Variants in CPEB1 observed in about 807,000 individuals in gnomAD.
CPEB1 encodes cytoplasmic polyadenylation element binding protein 1.
In CPEB1, 7 loss-of-function variants were observed where a neutral mutation model predicts 65.8. The observed-to-expected ratio is 0.11, with a 90% CI of 0.06 to 0.20. CPEB1 has a LOEUF of 0.20. CPEB1 is among the 10% of genes least tolerant of loss of function. CPEB1 has a pLI of 1.00. For missense variants in CPEB1, 551 were observed against 712.2 expected (o/e 0.77, Z 2.58); for synonymous variants, 262 against 260.0 (o/e 1.01, Z -0.08).
At chr15:82,636,097 G>A (rs2046636784) in intron 1 of CPEB1, among the ~76,000 whole-genome samples, 2 of 152,254 alleles carry the variant, frequency 1.3e-5, no homozygotes, top group South Asian at 4.1e-4. Context: ...TTGTCAGTAT[G>A]TTCAAGACTC....
intron 3 of CPEB1, among the ~76,000 whole-genome samples, chr15:82,584,108 A>T (rs1256600003): frequency 6.6e-6 from 1 of 151,848 alleles, no homozygotes; most frequent in African/African-American, 2.4e-5. Context: ...AAATACAAAA[A>T]ATTAGCCAGG....
In CPEB1 at chr15:82,553,570, G is replaced by T. The variant is rs770547576; in HGVS notation, c.1055-14C>A. ...TAACTAATCCAGCTGCAAAGAGACA[G>T]AAAAGAATGGCAGAAGCTGAGGAAC... On this transcript the variant is annotated splice_polypyrimidine_tract_variant and intron_variant, in intron 7 of 12. Coordinates refer to ENST00000684509, the MANE Select transcript of CPEB1 (RefSeq NM_001365242.1). 12 of 1,579,620 alleles carry T rather than the reference G, an allele frequency of 7.6e-6. No homozygotes were observed. Among genetic ancestry groups the T allele is most frequent in the Admixed American group, 1.7e-5 (1 of 59,404 alleles).
intron 1 of CPEB1, among the ~76,000 whole-genome samples, chr15:82,646,589 G>A (rs2047555302): frequency 6.6e-6 from 1 of 152,202 alleles, no homozygotes; most frequent in Non-Finnish European, 1.5e-5. Context: ...GCTGCAGGGA[G>A]CAAAGTGCCC....
At chr15:82,590,232 A>C (rs965625171) in intron 3 of CPEB1, among the ~76,000 whole-genome samples, 2 of 149,262 alleles carry the variant, frequency 1.3e-5, no homozygotes, top group African/African-American at 2.4e-5. Flanking sequence ...AAAAAAAAAA[A>C]AAAAAAAACA....
intron 3 of CPEB1, 49 bp from the exon 4 acceptor site, chr15:82,571,581 T>TC: frequency 1.3e-6 from 2 of 1,568,634 alleles, no homozygotes; most frequent in Non-Finnish European, 1.7e-6. Flanking sequence ...AGGGCTGTTT[T>TC]CCCCAATATT....
At chr15:82,547,756 T>A (rs564919863) in intron 10 of CPEB1, among the ~76,000 whole-genome samples, 1 of 150,718 alleles carries the variant, frequency 6.6e-6, no homozygotes, top group African/African-American at 2.4e-5. Flanking sequence ...CACTGCAACC[T>A]CTGCATCCCA....
intron 10 of CPEB1, 104 bp downstream of exon 10, chr15:82,549,356 G>T: frequency 8.7e-7 from 1 of 1,146,246 alleles, no homozygotes; most frequent in Non-Finnish European, 1.3e-6. Context: ...CTGATCTGCA[G>T]ACCTGGGTCA....
intron 4 of CPEB1, 138 bp downstream of exon 4, chr15:82,571,206 T>C: frequency 3.4e-6 from 4 of 1,172,378 alleles, no homozygotes; most frequent in Non-Finnish European, 4.6e-6. Flanking sequence ...TTCCATCTCT[T>C]GCAAAACAGC....
intron 1 of CPEB1, among the ~76,000 whole-genome samples, chr15:82,642,665 C>T (rs945803167): frequency 3.9e-5 from 6 of 152,302 alleles, no homozygotes; most frequent in African/African-American, 1.2e-4. Flanking sequence ...CCCCCTCTAC[C>T]ATAACTTCTA....
chr15:82,571,633 C>A, intron 3 of CPEB1, 101 bp from the exon 4 acceptor site: 2 of 1,475,532 alleles, frequency 1.4e-6, no homozygotes, highest in African/African-American at 2.8e-5. Context: ...CCCAGGCTCA[C>A]AGGCCAGACA....
At chr15:82,600,565 C>T (rs2043017076) in intron 3 of CPEB1, among the ~76,000 whole-genome samples, 4 of 152,050 alleles carry the variant, frequency 2.6e-5, no homozygotes, top group African/African-American at 9.7e-5. Context: ...ATAGCAGCAA[C>T]AGCACAAAAG....
At chr15:82,578,768 C>G (rs375078317) in intron 3 of CPEB1, among the ~76,000 whole-genome samples, 2 of 151,958 alleles carry the variant, frequency 1.3e-5, no homozygotes, top group Non-Finnish European at 2.9e-5. Context: ...AAAAAACAAA[C>G]AAACAAAAAA....
upstream of CPEB1, chr15:82,647,751 G>C: frequency 9.6e-7 from 1 of 1,043,562 alleles, no homozygotes; most frequent in Non-Finnish European, 1.2e-6. Flanking sequence ...GCCCGCACGG[G>C]GCGGGGGATG....
chr15:82,571,807 A>T, intron 3 of CPEB1: 1 of 1,245,762 alleles, frequency 8.0e-7, no homozygotes, highest in Non-Finnish European at 1.0e-6. Context: ...TCCCGCTGCC[A>T]GTGACATCAG....
intron 3 of CPEB1, among the ~76,000 whole-genome samples, chr15:82,581,582 C>G (rs1244464657): frequency 6.6e-6 from 1 of 152,186 alleles, no homozygotes; most frequent in Admixed American, 6.5e-5. Flanking sequence ...CACAAATGTT[C>G]TAATTTCTCC....
chr15:82,548,034 A>G (rs926650431), intron 10 of CPEB1, among the ~76,000 whole-genome samples: 6 of 152,130 alleles, frequency 3.9e-5, no homozygotes, highest in African/African-American at 1.4e-4. Context: ...GGTGACATTA[A>G]TTTTAATAAT....
intron 3 of CPEB1, among the ~76,000 whole-genome samples, chr15:82,611,401 T>C (rs1442710224): frequency 6.6e-6 from 1 of 152,092 alleles, no homozygotes; most frequent in African/African-American, 2.4e-5. Context: ...AAGAAATCAC[T>C]GAAATAAATT....
intron 6 of CPEB1, 129 bp downstream of exon 6, chr15:82,555,741 G>T: frequency 1.1e-6 from 1 of 910,424 alleles, no homozygotes; most frequent in Non-Finnish European, 1.6e-6. Context: ...ATAATTCTTT[G>T]CAGATCTGGA....
At chr15:82,555,007 C>G (rs1376786623) in intron 6 of CPEB1, among the ~76,000 whole-genome samples, 1 of 152,218 alleles carries the variant, frequency 6.6e-6, no homozygotes, top group Non-Finnish European at 1.5e-5. Context: ...CAGCCCAACT[C>G]TGTGAGCAAA....
Sources: gnomAD v4.1 joint callset for allele counts (sites outside exome capture counted in the v4.1 genomes callset) on GRCh38, gnomAD v4.1.1 for gene constraint, MANE v1.5 for transcripts, NCBI Gene and HGNC (gene_info 2026-07-23, HGNC 2026-07-21) for gene names.